The following AHCYL2 variants were observed in gnomAD, a reference collection of about 807,000 sequenced individuals.
AHCYL2 encodes adenosylhomocysteinase like 2.
AHCYL2 carries 28 observed loss-of-function variants against 81.4 expected under a neutral mutation model. The ratio of observed to expected loss-of-function variants is 0.34; its 90% CI spans 0.25 to 0.47. The LOEUF (loss-of-function observed/expected upper bound fraction) is 0.47, where lower values mean the gene tolerates loss of function less well. Among genes scored for constraint, AHCYL2 ranks in the 20% least tolerant of loss-of-function variants. AHCYL2 has a pLI of 1.00. For synonymous variants in AHCYL2, 272 were observed against 290.2 expected, an observed-to-expected ratio of 0.94 and a Z score of 0.64; for missense variants, 551 against 785.1, an observed-to-expected ratio of 0.70 and a Z score of 3.56.
intron 6 of AHCYL2, among the ~76,000 whole-genome samples, chr7:129,401,062 G>A (rs1678367286): frequency 3.3e-5 from 5 of 152,112 alleles, no homozygotes; most frequent in Admixed American, 2.6e-4. Context: ...AGGTGTGGTG[G>A]CCTGTAATCC....
chr7:129,375,850 G>A (rs181470401), intron 1 of AHCYL2: 819 of 1,535,892 alleles, frequency 5.3e-4, no homozygotes, highest in Non-Finnish European at 6.4e-4. Flanking sequence ...AGAGGTGGCA[G>A]TGGGGCTGGT....
At chr7:129,388,422 C>T (rs1033809018) in intron 2 of AHCYL2, among the ~76,000 whole-genome samples, 2 of 152,142 alleles carry the variant, frequency 1.3e-5, no homozygotes, top group African/African-American at 4.8e-5. Flanking sequence ...AGGATTTATT[C>T]ACTTCTTTGG....
At chr7:129,358,253 G>A (rs1341012456) in intron 1 of AHCYL2, among the ~76,000 whole-genome samples, 2 of 151,858 alleles carry the variant, frequency 1.3e-5, no homozygotes, top group African/African-American at 2.4e-5. Context: ...TTAGCCGGGC[G>A]TGGTGGCGGG....
chr7:129,424,554 A>ATATT (rs1239263154), intron 13 of AHCYL2, among the ~76,000 whole-genome samples: 1 of 152,200 alleles, frequency 6.6e-6, no homozygotes, highest in African/African-American at 2.4e-5. Context: ...CAGAAGGAGG[A>ATATT]TATTTTGCTA....
chr7:129,421,718 T>C (rs777890146), intron 12 of AHCYL2, among the ~76,000 whole-genome samples: 3 of 152,224 alleles, frequency 2.0e-5, no homozygotes, highest in African/African-American at 4.8e-5. Context: ...CCCACTAGAT[T>C]GGTACTTCCT....
At chr7:129,255,309 TCTTATA>T (rs1033143997) in intron 1 of AHCYL2, among the ~76,000 whole-genome samples, 3 of 152,122 alleles carry the variant, frequency 2.0e-5, no homozygotes, top group Admixed American at 6.5e-5. Flanking sequence ...GATTTTAATA[TCTTATA>T]CTTAACCCAG....
chr7:129,400,300 T>G lies in AHCYL2; in HGVS notation c.834T>G (p.Val278=). Residue 278 remains valine (V), a synonymous_variant, in exon 6 of 17, where the codon GTT becomes GTG. Transcript: ENST00000325006. ...AAALAESGFP[V]FAWKGESEDD... ...TCCTTTTTTTCCCAGGATTTCCTGT[T>G]TTTGCCTGGAAGGGAGAGTCAGAAG... The G allele has an allele frequency of 6.2e-7, 1 of 1,613,582 alleles. No homozygotes were observed. Among genetic ancestry groups the G allele is most frequent in the Non-Finnish European group, 8.5e-7 (1 of 1,179,598 alleles).
At chr7:129,273,277 A>T (rs189900066) in intron 1 of AHCYL2, among the ~76,000 whole-genome samples, 1 of 151,328 alleles carries the variant, frequency 6.6e-6, no homozygotes, top group Non-Finnish European at 1.5e-5. Context: ...TATGGCCTCA[A>T]AGTAAAGATC....
At chr7:129,364,303 T>C (rs1329668906) in intron 1 of AHCYL2, among the ~76,000 whole-genome samples, 2 of 152,202 alleles carry the variant, frequency 1.3e-5, no homozygotes, top group Non-Finnish European at 2.9e-5. Flanking sequence ...TTTATTATTT[T>C]TTAATTTTTG....
chr7:129,352,749 G>C (rs913282779), intron 1 of AHCYL2, among the ~76,000 whole-genome samples: 2 of 151,922 alleles, frequency 1.3e-5, no homozygotes, highest in Admixed American at 1.3e-4. Context: ...TCCTGCATCA[G>C]GTATCTCATT....
chr7:129,266,630 C>T lies in AHCYL2; in HGVS notation c.363+41191C>T, dbSNP rs535189990. Among the ~76,000 whole-genome samples, 15 of 152,174 alleles carry T rather than the reference C, an allele frequency of 9.9e-5. No homozygotes were observed. The East Asian group carries it at 2.7e-3, about 27-fold the overall frequency. On this transcript the variant is annotated intron_variant, in intron 1 of 16. Transcript: ENST00000325006. ...GACATAATGGTTTTTATCAGGGTAA[C>T]GTCTTCTGGACAAATCACTCATATA...
intron 1 of AHCYL2, among the ~76,000 whole-genome samples, chr7:129,361,299 C>A (rs1226899000): frequency 1.3e-5 from 2 of 152,208 alleles, no homozygotes; most frequent in Admixed American, 6.5e-5. Context: ...CCCCGCTTAT[C>A]CTTTACCTTT....
intron 1 of AHCYL2, among the ~76,000 whole-genome samples, chr7:129,237,277 T>C (rs570875174): frequency 6.6e-6 from 1 of 152,332 alleles, no homozygotes; most frequent in Non-Finnish European, 1.5e-5. Context: ...AATTTTTGTT[T>C]GTAATGTAAA....
intron 1 of AHCYL2, among the ~76,000 whole-genome samples, chr7:129,305,332 T>C (rs986502475): frequency 6.6e-6 from 1 of 152,116 alleles, no homozygotes; most frequent in Admixed American, 6.5e-5. Context: ...TGGTGGCACG[T>C]GCCTGTAGTC....
intron 1 of AHCYL2, among the ~76,000 whole-genome samples, chr7:129,342,084 A>G (rs1376568825): frequency 6.6e-6 from 1 of 152,160 alleles, no homozygotes; most frequent in Non-Finnish European, 1.5e-5. Flanking sequence ...AAGTAAATAG[A>G]AAGAGTTTAA....
At chr7:129,300,726 T>C (rs1379660988) in intron 1 of AHCYL2, among the ~76,000 whole-genome samples, 2 of 152,216 alleles carry the variant, frequency 1.3e-5, no homozygotes, top group Non-Finnish European at 2.9e-5. Flanking sequence ...CTCTAAATTG[T>C]TCTTCATAGT....
At chr7:129,225,557 C>T in intron 1 of AHCYL2, 118 bp downstream of exon 1, 1 of 1,375,352 alleles carries the variant, frequency 7.3e-7, no homozygotes, top group Non-Finnish European at 9.3e-7. Context: ...ACCGGAGATA[C>T]CCCTTGTCCC....
intron 1 of AHCYL2, among the ~76,000 whole-genome samples, chr7:129,300,144 T>C (rs1797208305): frequency 6.6e-6 from 1 of 152,164 alleles, no homozygotes; most frequent in Non-Finnish European, 1.5e-5. Context: ...CATATTACAA[T>C]CCTATTATAC....
At chr7:129,249,671 C>T (rs1242242410) in intron 1 of AHCYL2, among the ~76,000 whole-genome samples, 4 of 151,070 alleles carry the variant, frequency 2.6e-5, no homozygotes, top group South Asian at 2.1e-4. Context: ...ATGATCCACC[C>T]GCCTCGGCCT....
Sources: allele counts gnomAD v4.1 joint callset (sites outside exome capture counted in the v4.1 genomes callset), GRCh38; gene constraint gnomAD v4.1.1; transcripts MANE v1.5; gene names NCBI Gene and HGNC (gene_info 2026-07-23, HGNC 2026-07-21).